GALNT14: variants seen among roughly 807,000 people sequenced by gnomAD.
GALNT14 encodes polypeptide N-acetylgalactosaminyltransferase 14.
GALNT14 carries 60 observed loss-of-function variants against 77.5 expected under a neutral mutation model. The observed-to-expected ratio is 0.77, with a 90% CI of 0.63 to 0.96. GALNT14 has a LOEUF of 0.96. Among genes scored for constraint, GALNT14 ranks in the 40% least tolerant of loss-of-function variants. GALNT14 has a pLI of 0.00. For synonymous variants in GALNT14, 280 were observed against 281.7 expected (o/e 0.99, Z 0.06); for missense variants, 710 against 731.0 (o/e 0.97, Z 0.33).
chr2:31,040,913 G>T (rs115031865), intron 1 of GALNT14, among the ~76,000 whole-genome samples: 190 of 152,324 alleles, frequency 1.2e-3, no homozygotes, highest in African/African-American at 4.4e-3. Context: ...ACGCCAGAAT[G>T]CCTGGGATGA....
At chr2:31,034,724 T>C (rs1185749176) in intron 1 of GALNT14, among the ~76,000 whole-genome samples, 1 of 152,252 alleles carries the variant, frequency 6.6e-6, no homozygotes, top group East Asian at 1.9e-4. Context: ...GCAAGGCATG[T>C]ATAGCCTTAA....
At chr2:30,898,648 T>G in the GALNT14 span, among the ~76,000 whole-genome samples, 1 of 152,220 alleles carries the variant, frequency 6.6e-6, no homozygotes, top group Non-Finnish European at 1.5e-5. Flanking sequence ...GAACTAGCCT[T>G]TATGCTTTAG....
At chr2:30,926,846 C>T (rs1665416482) in intron 11 of GALNT14, among the ~76,000 whole-genome samples, 1 of 152,022 alleles carries the variant, frequency 6.6e-6, no homozygotes, top group Admixed American at 6.5e-5. Context: ...AGTCTCAGGG[C>T]TTGGGGGCCA....
chr2:30,965,204 A>C (rs1667929338), intron 3 of GALNT14, among the ~76,000 whole-genome samples: 1 of 148,132 alleles, frequency 6.8e-6, no homozygotes, highest in Non-Finnish European at 1.5e-5. Flanking sequence ...TCAGAGTGCA[A>C]GGCCTGGAAT....
At chr2:31,087,101 T>C (rs1403929249) in intron 1 of GALNT14, among the ~76,000 whole-genome samples, 3 of 152,184 alleles carry the variant, frequency 2.0e-5, no homozygotes, top group East Asian at 3.9e-4. Context: ...CAGAAGATGA[T>C]AAGGCACCAG....
intron 6 of GALNT14, among the ~76,000 whole-genome samples, chr2:30,954,816 A>G (rs935392299): frequency 6.6e-6 from 1 of 152,212 alleles, no homozygotes; most frequent in Non-Finnish European, 1.5e-5. Context: ...CATCAGACCT[A>G]GTGATATAAT....
At chr2:31,033,696 C>T (rs531500779) in intron 1 of GALNT14, among the ~76,000 whole-genome samples, 1 of 152,096 alleles carries the variant, frequency 6.6e-6, no homozygotes, top group African/African-American at 2.4e-5. Context: ...ACTTCTCCAG[C>T]GAGTGAGTCT....
At chr2:31,130,085 T>C (rs969707972) in intron 1 of GALNT14, among the ~76,000 whole-genome samples, 1 of 152,196 alleles carries the variant, frequency 6.6e-6, no homozygotes, top group Non-Finnish European at 1.5e-5. Context: ...CTGTAGTGCT[T>C]ACAGTTAAGA....
chr2:30,944,229 T>C (rs1666551692), intron 8 of GALNT14, among the ~76,000 whole-genome samples: 1 of 152,176 alleles, frequency 6.6e-6, no homozygotes, highest in Non-Finnish European at 1.5e-5. Flanking sequence ...GTGACCACTA[T>C]GCTCTACTCT....
chr2:31,096,107 C>G (rs982936133), intron 1 of GALNT14, among the ~76,000 whole-genome samples: 9 of 152,144 alleles, frequency 5.9e-5, no homozygotes, highest in African/African-American at 2.2e-4. Flanking sequence ...TCGAGTCACT[C>G]TAACATGGAA....
At chr2:30,954,638 C>A (rs903935237) in intron 6 of GALNT14, among the ~76,000 whole-genome samples, 14 of 152,210 alleles carry the variant, frequency 9.2e-5, no homozygotes, top group African/African-American at 3.4e-4. Flanking sequence ...TCCTTGTTTT[C>A]TTCTGAGCAG....
chr2:31,137,868 G>C, intron 1 of GALNT14, 90 bp downstream of exon 1: 1 of 1,494,878 alleles, frequency 6.7e-7, no homozygotes, highest in Non-Finnish European at 9.0e-7. Flanking sequence ...CCCTCGCCCT[G>C]GTTTCCCGGG....
chr2:31,051,039 CAAGA>C (rs1673830167), intron 1 of GALNT14, among the ~76,000 whole-genome samples: 1 of 152,070 alleles, frequency 6.6e-6, no homozygotes, highest in Non-Finnish European at 1.5e-5. Flanking sequence ...ACCTTCAGGG[CAAGA>C]AAGTTCGCTG....
At chr2:30,947,541 T>C (rs1666774968) in intron 6 of GALNT14, among the ~76,000 whole-genome samples, 1 of 152,322 alleles carries the variant, frequency 6.6e-6, no homozygotes, top group East Asian at 1.9e-4. Context: ...ACTCCCCACA[T>C]TGCCCAGAGA....
intron 11 of GALNT14, among the ~76,000 whole-genome samples, chr2:30,928,278 C>T (rs1315300731): frequency 6.6e-6 from 1 of 152,200 alleles, no homozygotes; most frequent in Non-Finnish European, 1.5e-5. Flanking sequence ...GCTCAACAGC[C>T]TTCGTATGAT....
At chr2:30,948,407 C>T (rs529527540) in intron 6 of GALNT14, among the ~76,000 whole-genome samples, 10 of 152,238 alleles carry the variant, frequency 6.6e-5, no homozygotes, top group South Asian at 2.1e-4. Flanking sequence ...ATAATCTATG[C>T]TAACAATGTG....
intron 1 of GALNT14, among the ~76,000 whole-genome samples, chr2:31,095,094 C>T (rs2148604635): frequency 6.6e-6 from 1 of 152,242 alleles, no homozygotes; most frequent in African/African-American, 2.4e-5. Context: ...GTACCAGAAG[C>T]AGAGTCAAGT....
chr2:31,047,471 G>T (rs1573237484), intron 1 of GALNT14, among the ~76,000 whole-genome samples: 1 of 152,116 alleles, frequency 6.6e-6, no homozygotes, highest in Non-Finnish European at 1.5e-5. Flanking sequence ...TTCCCATTTG[G>T]AGCTACTCTC....
intron 1 of GALNT14, among the ~76,000 whole-genome samples, chr2:31,128,978 A>C (rs76236792): frequency 1.2e-3 from 183 of 151,064 alleles, no homozygotes; most frequent in African/African-American, 4.3e-3. Context: ...AAAAAAAAAA[A>C]AAACACACAA....
Sources: allele counts gnomAD v4.1 joint callset (sites outside exome capture counted in the v4.1 genomes callset), GRCh38; gene constraint gnomAD v4.1.1; transcripts MANE v1.5; gene names NCBI Gene and HGNC (gene_info 2026-07-23, HGNC 2026-07-21).